Variants in LUZP2 observed in about 807,000 individuals in gnomAD.
The protein encoded by LUZP2 is leucine zipper protein 2.
Under a neutral mutation model 51.6 loss-of-function variants are expected in LUZP2, and 52 were observed. The observed-to-expected ratio is 1.01, with a 90% CI of 0.81 to 1.27. LUZP2 has a LOEUF of 1.27. Ranked by LOEUF, LUZP2 falls within the 50% of genes most tolerant of loss-of-function variation. The probability of loss-of-function intolerance (pLI) is 0.00; values close to 1 mark genes in which losing one functional copy is unlikely to be tolerated. For missense variants in LUZP2, 436 were observed against 395.4 expected, an observed-to-expected ratio of 1.10 and a Z score of -0.87; for synonymous variants, 154 against 137.3, an observed-to-expected ratio of 1.12 and a Z score of -0.85.
rs113034960 is a variant in LUZP2, at chr11:24,998,592, T to C, written c.765+15299T>C. Among the ~76,000 whole-genome samples the C allele has an allele frequency of 1.2e-4, 18 of 152,196 alleles. 1 individual carries two copies. Among genetic ancestry groups the C allele is most frequent in the African/African-American group, 4.3e-4 (18 of 41,456 alleles). On this transcript the variant is annotated intron_variant, in intron 9 of 11. Coordinates refer to ENST00000336930, the MANE Select transcript of LUZP2 (RefSeq NM_001009909.4). The stretch of plus-strand genomic sequence containing the variant: ...ACAGAACATGATATTCAGGAAAAAC[T>C]TAATGAAATAAAAATCAGATTTTTA...
intron 5 of LUZP2, among the ~76,000 whole-genome samples, chr11:24,772,465 C>T (rs190353974): frequency 5.3e-5 from 8 of 152,236 alleles, no homozygotes; most frequent in Non-Finnish European, 8.8e-5. Context: ...AGGACACACC[C>T]AAGAGGTTTT....
intron 1 of LUZP2, among the ~76,000 whole-genome samples, chr11:24,647,495 G>T (rs1855498756): frequency 1.3e-5 from 2 of 151,864 alleles, no homozygotes; most frequent in Non-Finnish European, 2.9e-5. Context: ...TCCCAAAGAA[G>T]TTCTGGAAAT....
chr11:25,022,447 C>T (rs568910492), intron 9 of LUZP2, among the ~76,000 whole-genome samples: 1 of 152,040 alleles, frequency 6.6e-6, no homozygotes, highest in Non-Finnish European at 1.5e-5. Context: ...ATGTATAAGG[C>T]ATTAGGGTTG....
At chr11:24,684,170 T>G (rs755550690) in intron 1 of LUZP2, among the ~76,000 whole-genome samples, 4 of 152,130 alleles carry the variant, frequency 2.6e-5, no homozygotes, top group Non-Finnish European at 5.9e-5. Context: ...CCCTTTTCCT[T>G]GTATTAAATT....
intron 7 of LUZP2, among the ~76,000 whole-genome samples, chr11:24,968,267 G>A (rs752013338): frequency 2.6e-5 from 4 of 152,118 alleles, no homozygotes; most frequent in Non-Finnish European, 4.4e-5. Flanking sequence ...AAATATTTTA[G>A]TCTGAGCAGA....
rs139873339 is a variant in LUZP2 at position 24,652,261 on chromosome 11, T to C, written c.63-76908T>C. Among the ~76,000 whole-genome samples, 452 of 152,280 alleles carry C rather than the reference T, an allele frequency of 3.0e-3. 4 individuals carry two copies. The highest frequency in any genetic ancestry group is 0.01 in the African/African-American group (431 of 41,564). On this transcript the variant is annotated intron_variant, in intron 1 of 11. Coordinates refer to ENST00000336930, the MANE Select transcript of LUZP2 (RefSeq NM_001009909.4). ...GCTCTTTGCATTACACCTTCTGTCA[T>C]AGAGATTCCTTTAAAACATCTCATT...
intron 7 of LUZP2, among the ~76,000 whole-genome samples, chr11:24,919,843 C>A (rs932204262): frequency 4.2e-4 from 64 of 150,980 alleles, no homozygotes; most frequent in African/African-American, 1.5e-3. Context: ...CAATAGTTTA[C>A]TCTCCCATCA....
At chr11:24,690,077 A>G (rs917178980) in intron 1 of LUZP2, among the ~76,000 whole-genome samples, 3 of 152,174 alleles carry the variant, frequency 2.0e-5, no homozygotes, top group Non-Finnish European at 4.4e-5. Context: ...TAGATGAGAA[A>G]TCAATTATCT....
chr11:24,697,917 G>T (rs1299820523), intron 1 of LUZP2, among the ~76,000 whole-genome samples: 5 of 152,154 alleles, frequency 3.3e-5, no homozygotes, highest in Non-Finnish European at 7.3e-5. Context: ...CTAAGGAACT[G>T]ATTCAGCTGG....
At chr11:24,981,173 A>T (rs1316347332) in intron 8 of LUZP2, among the ~76,000 whole-genome samples, 3 of 151,832 alleles carry the variant, frequency 2.0e-5, no homozygotes, top group African/African-American at 7.2e-5. Context: ...TGCTCATGGA[A>T]CTGAGTCAAG....
intron 1 of LUZP2, among the ~76,000 whole-genome samples, chr11:24,537,626 A>G (rs1165833692): frequency 1.4e-5 from 2 of 142,150 alleles, no homozygotes; most frequent in African/African-American, 5.1e-5. Context: ...CCCCTTTTTT[A>G]TAGCTTTTTA....
intron 1 of LUZP2, among the ~76,000 whole-genome samples, chr11:24,595,380 T>C (rs1344391707): frequency 6.6e-6 from 1 of 152,070 alleles, no homozygotes; most frequent in African/African-American, 2.4e-5. Context: ...AACTAATTGG[T>C]ATTGGGACAT....
At chr11:25,033,989 T>C (rs1565259493) in intron 9 of LUZP2, among the ~76,000 whole-genome samples, 1 of 152,076 alleles carries the variant, frequency 6.6e-6, no homozygotes, top group Admixed American at 6.6e-5. Context: ...TTGTAAGTTA[T>C]TTGAGAAACC....
At chr11:24,690,474 A>G (rs1181043624) in intron 1 of LUZP2, among the ~76,000 whole-genome samples, 1 of 152,170 alleles carries the variant, frequency 6.6e-6, no homozygotes, top group South Asian at 2.1e-4. Flanking sequence ...GAAGTATCCT[A>G]TCAATGTGTT....
chr11:24,617,994 A>T (rs746074994), intron 1 of LUZP2, among the ~76,000 whole-genome samples: 1 of 152,108 alleles, frequency 6.6e-6, no homozygotes, highest in Non-Finnish European at 1.5e-5. Context: ...AAAATGCCTT[A>T]TTACTACTGC....
chr11:24,726,038 G>A (rs539206559), intron 1 of LUZP2, among the ~76,000 whole-genome samples: 2 of 152,146 alleles, frequency 1.3e-5, no homozygotes, highest in African/African-American at 4.8e-5. Context: ...CTAGCCTCCA[G>A]AATTGTGAGA....
chr11:25,033,825 T>C (rs1425167090), intron 9 of LUZP2, among the ~76,000 whole-genome samples: 1 of 152,112 alleles, frequency 6.6e-6, no homozygotes, highest in African/African-American at 2.4e-5. Flanking sequence ...CAATCCACCA[T>C]TGAAAAACAG....
In LUZP2 at chr11:24,816,668, A is replaced by G. The variant is rs74651801; in HGVS notation, c.396+53360A>G. Among the ~76,000 whole-genome samples the G allele has an allele frequency of 2.0e-5, 3 of 152,226 alleles. No homozygotes were observed. In the East Asian group the frequency reaches 5.8e-4, roughly 29 times the overall value. The stretch of plus-strand genomic sequence containing the variant: ...GCACCATGTTAAATGTTTTACAAAC[A>G]TTAGTTATTTCACTTAATTCTCATG... On this transcript the variant is annotated intron_variant, in intron 5 of 11. Transcript: ENST00000336930.
chr11:24,720,545 A>C (rs1004162356), intron 1 of LUZP2, among the ~76,000 whole-genome samples: 7 of 152,222 alleles, frequency 4.6e-5, no homozygotes, highest in African/African-American at 1.7e-4. Context: ...TTTATTAGAC[A>C]AATTTTTGCT....
Sources: gnomAD v4.1 joint callset for allele counts (sites outside exome capture counted in the v4.1 genomes callset) on GRCh38, gnomAD v4.1.1 for gene constraint, MANE v1.5 for transcripts, NCBI Gene and HGNC (gene_info 2026-07-23, HGNC 2026-07-21) for gene names.